DPP10: variants seen among roughly 807,000 people sequenced by gnomAD.
DPP10 encodes dipeptidyl peptidase like 10.
Under a neutral mutation model 120.9 loss-of-function variants are expected in DPP10, and 33 were observed. The ratio of observed to expected loss-of-function variants is 0.27; its 90% CI spans 0.21 to 0.37. The LOEUF is 0.37. Among genes scored for constraint, DPP10 ranks in the 10% least tolerant of loss-of-function variants. DPP10 has a pLI of 1.00. For missense variants in DPP10, 816 were observed against 942.8 expected (o/e 0.87, Z 1.76); for synonymous variants, 337 against 326.1 (o/e 1.03, Z -0.36).
At chr2:115,361,929 A>G (rs1371703235) in intron 3 of DPP10, among the ~76,000 whole-genome samples, 1 of 151,618 alleles carries the variant, frequency 6.6e-6, no homozygotes, top group Non-Finnish European at 1.5e-5. Flanking sequence ...CCCAACTCCA[A>G]ATTTTCATAT....
chr2:115,445,146 TG>T (rs1470555958), intron 3 of DPP10, among the ~76,000 whole-genome samples: 4 of 152,202 alleles, frequency 2.6e-5, no homozygotes, highest in Non-Finnish European at 5.9e-5. Context: ...CTGCCATAAT[TG>T]TAAGTTTCCT....
rs2067968424 is a variant in DPP10 at position 115,400,198 on chromosome 2, G to C, written c.271+56286G>C. 3.3e-5 allele frequency among the ~76,000 whole-genome samples: 5 copies of C among 152,138 alleles called. 1 individual carries two copies. In the South Asian group the frequency reaches 1.0e-3, roughly 32 times the overall value. Reference sequence around the variant, plus strand: ...CCACCACACGCCGCCTCCAGCACTGGGATTACAATTTGACATGAGATTTGG... The same window carrying C: ...CCACCACACGCCGCCTCCAGCACTGCGATTACAATTTGACATGAGATTTGG... On this transcript the variant is annotated intron_variant, in intron 3 of 25. Transcript: ENST00000410059.
intron 3 of DPP10, among the ~76,000 whole-genome samples, chr2:115,384,517 A>C (rs1258272109): frequency 6.9e-6 from 1 of 145,498 alleles, no homozygotes; most frequent in African/African-American, 2.6e-5. Context: ...AGAAGAAGGA[A>C]GAAGAGGAAG....
At chr2:115,714,644 T>C (rs1189945430) in intron 7 of DPP10, among the ~76,000 whole-genome samples, 1 of 152,182 alleles carries the variant, frequency 6.6e-6, no homozygotes, top group Non-Finnish European at 1.5e-5. Flanking sequence ...TCCTTTGGGT[T>C]CTTTCTATAC....
chr2:114,814,270 A>G (rs1181408808), intron 1 of DPP10, among the ~76,000 whole-genome samples: 1 of 152,156 alleles, frequency 6.6e-6, no homozygotes, highest in Non-Finnish European at 1.5e-5. Flanking sequence ...TTAATATAGT[A>G]TTCTCTTTGA....
chr2:115,770,401 A>G (rs1404415364), intron 13 of DPP10, among the ~76,000 whole-genome samples: 3 of 152,136 alleles, frequency 2.0e-5, no homozygotes, highest in Non-Finnish European at 4.4e-5. Context: ...TTCCTCTTCT[A>G]TATAGGGACT....
At chr2:115,252,536 G>A (rs1359124711) in intron 1 of DPP10, among the ~76,000 whole-genome samples, 1 of 152,036 alleles carries the variant, frequency 6.6e-6, no homozygotes, top group Admixed American at 6.6e-5. Context: ...ACTCTATTCT[G>A]ATTCTTCACA....
At chr2:114,835,543 C>T (rs528659754) in intron 1 of DPP10, 1 of 152,220 alleles carries the variant, frequency 6.6e-6, no homozygotes, top group South Asian at 2.1e-4. Flanking sequence ...TATTCCTTTG[C>T]TTAGTTCCTG....
intron 1 of DPP10, among the ~76,000 whole-genome samples, chr2:114,762,295 C>T (rs1409177519): frequency 6.6e-6 from 1 of 152,218 alleles, no homozygotes; most frequent in Non-Finnish European, 1.5e-5. Context: ...TCTGCTTACT[C>T]TAATTGCTAT....
chr2:115,284,426 G>A (rs2060283172), intron 1 of DPP10, among the ~76,000 whole-genome samples: 1 of 151,912 alleles, frequency 6.6e-6, no homozygotes, highest in Admixed American at 6.6e-5. Context: ...GGTAGCTTCA[G>A]TAAGTCAAAA....
chr2:114,845,788 A>G (rs1688503105), intron 1 of DPP10, among the ~76,000 whole-genome samples: 1 of 152,154 alleles, frequency 6.6e-6, no homozygotes, highest in African/African-American at 2.4e-5. Context: ...CTTTCTCAGG[A>G]AACATGTTTC....
chr2:114,688,620 C>T (rs1442358937), intron 1 of DPP10, among the ~76,000 whole-genome samples: 1 of 151,954 alleles, frequency 6.6e-6, no homozygotes, highest in African/African-American at 2.4e-5. Context: ...TACAAAGTAC[C>T]TCCCTTGCAT....
intron 1 of DPP10, among the ~76,000 whole-genome samples, chr2:115,147,488 G>C (rs1184019075): frequency 6.6e-6 from 1 of 152,042 alleles, no homozygotes; most frequent in Admixed American, 6.6e-5. Context: ...TCTAAATGGA[G>C]ATAAGGAAAG....
At chr2:114,485,754 G>A (rs1321807710) in intron 1 of DPP10, among the ~76,000 whole-genome samples, 1 of 151,862 alleles carries the variant, frequency 6.6e-6, no homozygotes, top group Non-Finnish European at 1.5e-5. Context: ...ATTCTTCTGT[G>A]TTGTCCTGCC....
chr2:114,745,849 G>C (rs1348633468), intron 1 of DPP10, among the ~76,000 whole-genome samples: 1 of 152,234 alleles, frequency 6.6e-6, no homozygotes, highest in Non-Finnish European at 1.5e-5. Flanking sequence ...AACTGGCCGT[G>C]TGAGCCTCTG....
intron 5 of DPP10, among the ~76,000 whole-genome samples, chr2:115,534,035 TG>T (rs2078638538): frequency 6.6e-6 from 1 of 152,090 alleles, no homozygotes; most frequent in African/African-American, 2.4e-5. Context: ...CAACATTTTT[TG>T]GTGAAAGTTA....
intron 5 of DPP10, among the ~76,000 whole-genome samples, chr2:115,597,293 AAAGT>A (rs1430017705): frequency 6.6e-6 from 1 of 152,180 alleles, no homozygotes; most frequent in African/African-American, 2.4e-5. Flanking sequence ...TTCACAATAC[AAAGT>A]AATTTCTCAT....
At chr2:115,799,923 G>T (rs1684987393) in intron 19 of DPP10, among the ~76,000 whole-genome samples, 1 of 151,992 alleles carries the variant, frequency 6.6e-6, no homozygotes, top group African/African-American at 2.4e-5. Context: ...ATAGCAGCAT[G>T]ATTTATAATC....
chr2:114,702,783 C>G (rs561197037), intron 1 of DPP10, among the ~76,000 whole-genome samples: 1 of 152,090 alleles, frequency 6.6e-6, no homozygotes, highest in Non-Finnish European at 1.5e-5. Context: ...TTCCTAAGAA[C>G]AGAGTATGGC....
Sources: allele counts gnomAD v4.1 joint callset (sites outside exome capture counted in the v4.1 genomes callset), GRCh38; gene constraint gnomAD v4.1.1; transcripts MANE v1.5; gene names NCBI Gene and HGNC (gene_info 2026-07-23, HGNC 2026-07-21).